Variants in RIPOR2 observed in about 807,000 individuals in gnomAD.
RIPOR2 encodes the protein RHO family interacting cell polarization regulator 2, also known as rho family-interacting cell polarization regulator 2.
A neutral mutation model predicts 114.5 loss-of-function variants in RIPOR2; 39 were observed. The observed-to-expected ratio is 0.34, with a 90% CI of 0.26 to 0.44. The LOEUF (loss-of-function observed/expected upper bound fraction) is 0.44, where lower values mean the gene tolerates loss of function less well. Ranked by LOEUF, RIPOR2 falls within the 20% of genes least tolerant of loss-of-function variation. The probability of loss-of-function intolerance (pLI) is 1.00; values close to 1 mark genes in which losing one functional copy is unlikely to be tolerated. For missense variants in RIPOR2, 1,007 were observed against 1,255.1 expected (o/e 0.80, Z 2.99); for synonymous variants, 445 against 484.4 (o/e 0.92, Z 1.07).
At chr6:24,962,101 C>T (rs1773335885) in intron 1 of RIPOR2, among the ~76,000 whole-genome samples, 1 of 152,188 alleles carries the variant, frequency 6.6e-6, no homozygotes. Context: ...CCCATGCTTT[C>T]AACCATTGTG....
chr6:24,944,581 T>C (rs1772314909), intron 1 of RIPOR2, among the ~76,000 whole-genome samples: 1 of 152,150 alleles, frequency 6.6e-6, no homozygotes, highest in Admixed American at 6.5e-5. Context: ...AGCAAGAAAG[T>C]ATGGTCTATA....
chr6:24,999,249 G>A (rs946710816), intron 1 of RIPOR2, among the ~76,000 whole-genome samples: 1 of 152,168 alleles, frequency 6.6e-6, no homozygotes, highest in Non-Finnish European at 1.5e-5. Flanking sequence ...ATCCTACTTA[G>A]GTTTCACCTA....
intron 16 of RIPOR2, among the ~76,000 whole-genome samples, chr6:24,830,903 A>G (rs528689907): frequency 1.3e-5 from 2 of 152,066 alleles, no homozygotes; most frequent in Admixed American, 1.3e-4. Flanking sequence ...TTTAGTAGAG[A>G]TGAGGTATTA....
rs1774082975 is a variant in RIPOR2 at position 24,976,910 on chromosome 6, G to A, written c.76+64941C>T. On this transcript the variant is annotated intron_variant, in intron 1 of 13. Transcript: ENST00000510784. ...AGGCATGAATATTGTGGAGGCCATG[G>A]AGCGCTTTGGGTCCAGGAATGGCAA... 3.1e-6 allele frequency: 5 copies of A among 1,601,914 alleles called. No homozygotes were observed. The Admixed American group carries it at 8.3e-5, about 27-fold the overall frequency.
intron 1 of RIPOR2, among the ~76,000 whole-genome samples, chr6:24,929,989 C>T (rs1490910473): frequency 6.6e-6 from 1 of 152,126 alleles, no homozygotes; most frequent in African/African-American, 2.4e-5. Flanking sequence ...GCAGGAGGAT[C>T]CCTTGAGCCC....
chr6:24,934,900 G>A (rs1771654253), intron 1 of RIPOR2, among the ~76,000 whole-genome samples: 1 of 152,174 alleles, frequency 6.6e-6, no homozygotes, highest in African/African-American at 2.4e-5. Context: ...AAACTGAGCA[G>A]TGCCAATGGG....
At chr6:25,032,762 G>T (rs533615993) in intron 1 of RIPOR2, among the ~76,000 whole-genome samples, 1 of 152,068 alleles carries the variant, frequency 6.6e-6, no homozygotes, top group Non-Finnish European at 1.5e-5. Flanking sequence ...ATATTTAAGT[G>T]GTTCAGATTA....
chr6:25,025,442 T>C (rs1341589069), intron 1 of RIPOR2, among the ~76,000 whole-genome samples: 1 of 152,114 alleles, frequency 6.6e-6, no homozygotes, highest in Non-Finnish European at 1.5e-5. Context: ...TGACGAGGCT[T>C]TTTTAGGGTT....
intron 12 of RIPOR2, among the ~76,000 whole-genome samples, chr6:24,845,974 G>C (rs1453774638): frequency 6.6e-6 from 1 of 152,190 alleles, no homozygotes; most frequent in Non-Finnish European, 1.5e-5. Context: ...GGATGGGCTT[G>C]TGGTGGGCTG....
intron 1 of RIPOR2, among the ~76,000 whole-genome samples, chr6:24,968,922 C>T (rs1773653011): frequency 6.6e-6 from 1 of 152,190 alleles, no homozygotes; most frequent in Admixed American, 6.5e-5. Context: ...ACTGGCTACA[C>T]CTTTCAGAGG....
At chr6:24,956,660 G>A (rs920730720) in intron 1 of RIPOR2, among the ~76,000 whole-genome samples, 1 of 140,894 alleles carries the variant, frequency 7.1e-6, no homozygotes, top group Non-Finnish European at 1.6e-5. Context: ...TTAAGCGGTA[G>A]AGGTGGGCTA....
chr6:24,916,450 T>A (rs1337570602), intron 1 of RIPOR2, among the ~76,000 whole-genome samples: 1 of 152,204 alleles, frequency 6.6e-6, no homozygotes, highest in Admixed American at 6.5e-5. Context: ...GCATATAGGA[T>A]AGTAACCTCT....
intron 8 of RIPOR2, among the ~76,000 whole-genome samples, chr6:24,859,435 C>T (rs4364477): frequency 0.21 from 32,494 of 151,878 alleles, 4,040 homozygotes; most frequent in East Asian, 0.33. Context: ...ATAGAATCAT[C>T]CTCAAAGTTA....
chr6:24,806,156 T>C lies in RIPOR2; in HGVS notation c.*217A>G, dbSNP rs1780756641. ...TTGTAGAGACAGGGCCTTGCTATGT[T>C]GCCCAGGTTGGTCTTGAACCTCCTG... On this transcript the variant is annotated 3_prime_UTR_variant, in exon 22 of 22. Coordinates refer to ENST00000643898, the MANE Select transcript of RIPOR2 (RefSeq NM_001286445.3). 1 of 539,688 alleles carries C rather than the reference T, an allele frequency of 1.9e-6. No individual in the cohort carries two copies. The highest frequency in any genetic ancestry group is 3.2e-6 in the Non-Finnish European group (1 of 310,054). 33.4% of individuals were successfully genotyped at this position (539,688 alleles called of 1,614,324 possible). A position where few individuals can be genotyped will look rare whatever the true frequency, so the allele number is the denominator to read the frequency against.
At chr6:25,006,737 C>T (rs1252726809) in intron 1 of RIPOR2, among the ~76,000 whole-genome samples, 1 of 152,186 alleles carries the variant, frequency 6.6e-6, no homozygotes, top group Non-Finnish European at 1.5e-5. Flanking sequence ...ATTCTCCCCA[C>T]AGGAAGAGGA....
intron 1 of RIPOR2, among the ~76,000 whole-genome samples, chr6:25,017,166 C>T (rs1016598815): frequency 3.3e-5 from 5 of 152,138 alleles, no homozygotes; most frequent in African/African-American, 1.2e-4. Flanking sequence ...ATGGTGAAAC[C>T]CCATCTCTAC....
chr6:24,880,926 A>G (rs1306949903), intron 1 of RIPOR2, among the ~76,000 whole-genome samples: 2 of 152,218 alleles, frequency 1.3e-5, no homozygotes, highest in Non-Finnish European at 2.9e-5. Context: ...TGCCATATCT[A>G]TTAAGCAAGA....
chr6:24,885,513 C>T (rs1766756956), intron 1 of RIPOR2, among the ~76,000 whole-genome samples: 1 of 152,178 alleles, frequency 6.6e-6, no homozygotes, highest in South Asian at 2.1e-4. Context: ...TGTGAGCCAC[C>T]ATGTCCGGCC....
rs9366592 is a variant in RIPOR2, at chr6:24,993,731, T to C, written c.76+48120A>G. 1.7e-3 allele frequency among the ~76,000 whole-genome samples: 262 copies of C among 152,374 alleles called. 12 individuals are homozygous for C. The East Asian group carries it at 0.048, about 28-fold the overall frequency. Reference sequence around the variant, plus strand: ...AAGGCCAAATTCAGTCTGCCAATTGTTTGCTTGTTGTAAATAAAGTTATAT... The same window carrying C: ...AAGGCCAAATTCAGTCTGCCAATTGCTTGCTTGTTGTAAATAAAGTTATAT... On this transcript the variant is annotated intron_variant, in intron 1 of 13. Coordinates refer to the RIPOR2 transcript ENST00000510784.
Sources: gnomAD v4.1 joint callset for allele counts (sites outside exome capture counted in the v4.1 genomes callset) on GRCh38, gnomAD v4.1.1 for gene constraint, MANE v1.5 for transcripts, NCBI Gene and HGNC (gene_info 2026-07-23, HGNC 2026-07-21) for gene names.